FSTL5: variants seen among roughly 807,000 people sequenced by gnomAD.
The protein encoded by FSTL5 is follistatin like 5, also known as follistatin-related protein 5.
Under a neutral mutation model 89.1 loss-of-function variants are expected in FSTL5, and 62 were observed. The observed-to-expected ratio is 0.70, with a 90% CI of 0.57 to 0.86. The LOEUF (loss-of-function observed/expected upper bound fraction) is 0.86, where lower values mean the gene tolerates loss of function less well. Ranked by LOEUF, FSTL5 falls within the 40% of genes least tolerant of loss-of-function variation. FSTL5 has a pLI of 0.00. For missense variants in FSTL5, 1,057 were observed against 1,001.6 expected (o/e 1.06, Z -0.75); for synonymous variants, 383 against 346.2 (o/e 1.11, Z -1.18).
chr4:161,871,633 C>T (rs1732266004), intron 4 of FSTL5, among the ~76,000 whole-genome samples: 1 of 152,038 alleles, frequency 6.6e-6, no homozygotes, highest in Non-Finnish European at 1.5e-5. Flanking sequence ...AGGAAAGAAA[C>T]CACCTATTTA....
At chr4:161,454,872 T>G (rs991158668) in intron 15 of FSTL5, 132 bp downstream of exon 15, 1 of 759,906 alleles carries the variant, frequency 1.3e-6, no homozygotes, top group Admixed American at 2.6e-5. Context: ...TAAGCAGATA[T>G]GACAAAGCTA....
chr4:162,055,336 T>C (rs1738504569), intron 2 of FSTL5, among the ~76,000 whole-genome samples: 1 of 151,744 alleles, frequency 6.6e-6, no homozygotes, highest in Non-Finnish European at 1.5e-5. Context: ...ACAAAGTATA[T>C]ATTTAATACA....
intron 2 of FSTL5, among the ~76,000 whole-genome samples, chr4:162,071,230 A>G (rs1019132959): frequency 6.6e-6 from 1 of 151,698 alleles, no homozygotes; most frequent in African/African-American, 2.4e-5. Context: ...ACAAGATGCA[A>G]CTGTATGCTG....
At chr4:161,539,748 C>T (rs543430619) in intron 9 of FSTL5, among the ~76,000 whole-genome samples, 22 of 152,064 alleles carry the variant, frequency 1.4e-4, no homozygotes, top group African/African-American at 5.3e-4. Context: ...AACAAAAAAA[C>T]CCACCTTTAT....
chr4:162,099,153 A>C (rs1235622468), intron 2 of FSTL5, among the ~76,000 whole-genome samples: 1 of 152,148 alleles, frequency 6.6e-6, no homozygotes, highest in African/African-American at 2.4e-5. Flanking sequence ...TTTGTGTAGT[A>C]GCATTCTAAA....
chr4:161,498,812 T>C (rs745745358), intron 12 of FSTL5, among the ~76,000 whole-genome samples: 22 of 152,222 alleles, frequency 1.4e-4, no homozygotes, highest in Non-Finnish European at 3.2e-4. Context: ...AGCAATAATT[T>C]GTTTTTATTC....
intron 10 of FSTL5, among the ~76,000 whole-genome samples, chr4:161,536,539 G>A (rs1024270492): frequency 3.9e-5 from 6 of 152,026 alleles, no homozygotes; most frequent in Admixed American, 6.6e-5. Flanking sequence ...ATACTTTTCC[G>A]TAGTTGCTAA....
chr4:161,586,357 T>C (rs1471399723), intron 8 of FSTL5, among the ~76,000 whole-genome samples: 2 of 152,180 alleles, frequency 1.3e-5, no homozygotes, highest in Non-Finnish European at 2.9e-5. Context: ...CATGCTAAAA[T>C]TTAATCTCAT....
At chr4:161,526,003 T>C (rs7669525) in intron 10 of FSTL5, among the ~76,000 whole-genome samples, 151,563 of 152,208 alleles carry the variant, frequency 1, 75,463 homozygotes, top group Middle Eastern at 1. Context: ...GCTAGTTTTG[T>C]GGGGGTTGAC....
intron 3 of FSTL5, among the ~76,000 whole-genome samples, chr4:161,950,803 A>C (rs953911267): frequency 6.6e-6 from 1 of 152,130 alleles, no homozygotes; most frequent in Non-Finnish European, 1.5e-5. Context: ...TCAGTGAAGA[A>C]TTTGGAAAGA....
chr4:161,433,902 G>A (rs1417010756), intron 15 of FSTL5, among the ~76,000 whole-genome samples: 1 of 151,940 alleles, frequency 6.6e-6, no homozygotes, highest in African/African-American at 2.4e-5. Flanking sequence ...AGAAATTGAA[G>A]AGGACAGAAA....
rs74357899 is a variant in FSTL5, at chr4:161,553,146, A to G, written c.1016-10453T>C. Among the ~76,000 whole-genome samples, 325 of 151,742 alleles carry G rather than the reference A, an allele frequency of 2.1e-3. 2 individuals carry two copies. Among genetic ancestry groups the G allele is most frequent in the African/African-American group, 7.4e-3 (309 of 41,514 alleles). ...TCTATACACTAAATAATTCCATATG[A>G]TATTTGATGTCTTGCTAATATAGCT... On this transcript the variant is annotated intron_variant, in intron 8 of 15. Coordinates refer to ENST00000306100, the MANE Select transcript of FSTL5 (RefSeq NM_020116.5).
At chr4:161,841,000 G>A (rs576480592) in intron 4 of FSTL5, among the ~76,000 whole-genome samples, 8 of 152,270 alleles carry the variant, frequency 5.3e-5, no homozygotes, top group Middle Eastern at 3.4e-3. Flanking sequence ...CTGAATGTTG[G>A]CTGCATCCCT....
At chr4:162,049,700 C>A (rs780608979) in intron 2 of FSTL5, among the ~76,000 whole-genome samples, 6 of 152,022 alleles carry the variant, frequency 3.9e-5, no homozygotes, top group Non-Finnish European at 5.9e-5. Flanking sequence ...GAAACTTGAC[C>A]TTGCAGATGA....
intron 3 of FSTL5, among the ~76,000 whole-genome samples, chr4:162,013,244 T>A (rs1190410248): frequency 6.6e-6 from 1 of 152,064 alleles, no homozygotes; most frequent in Non-Finnish European, 1.5e-5. Flanking sequence ...GACTCATTTC[T>A]CAAGATCACT....
intron 3 of FSTL5, among the ~76,000 whole-genome samples, chr4:161,983,616 G>A (rs954502852): frequency 2.0e-4 from 31 of 152,154 alleles, no homozygotes; most frequent in Admixed American, 1.0e-3. Context: ...CCTTAAGAGA[G>A]TTTTAAAGAT....
Position 162,152,770 on chromosome 4 carries a change from G to T in FSTL5, c.-17+10845C>A, listed in dbSNP as rs575030541. On this transcript the variant is annotated intron_variant, in intron 1 of 15. Coordinates refer to ENST00000306100, the MANE Select transcript of FSTL5 (RefSeq NM_020116.5). Reference sequence around the variant, plus strand: ...ATGTGAAGTTCTGAACAAACAAACTGCACAATGCTAAAAGGGTCTAAATTT... The same window carrying T: ...ATGTGAAGTTCTGAACAAACAAACTTCACAATGCTAAAAGGGTCTAAATTT... Among the ~76,000 whole-genome samples the T allele has an allele frequency of 2.0e-5, 3 of 151,616 alleles. No homozygotes were observed. In the South Asian group the frequency reaches 6.3e-4, roughly 32 times the overall value.
chr4:161,619,433 C>T (rs558786387), intron 7 of FSTL5, among the ~76,000 whole-genome samples: 1 of 152,038 alleles, frequency 6.6e-6, no homozygotes, highest in Non-Finnish European at 1.5e-5. Flanking sequence ...ATTTTCCCAA[C>T]CTACTCATCT....
intron 4 of FSTL5, among the ~76,000 whole-genome samples, chr4:161,883,307 A>T (rs1030756805): frequency 1.3e-5 from 2 of 152,216 alleles, no homozygotes; most frequent in African/African-American, 4.8e-5. Context: ...AACAAGCTCT[A>T]TTCACTCAAA....
Sources: gnomAD v4.1 joint callset for allele counts (sites outside exome capture counted in the v4.1 genomes callset) on GRCh38, gnomAD v4.1.1 for gene constraint, MANE v1.5 for transcripts, NCBI Gene and HGNC (gene_info 2026-07-23, HGNC 2026-07-21) for gene names.